PDE4B: variants seen among roughly 807,000 people sequenced by gnomAD.
PDE4B encodes 3',5'-cyclic-AMP phosphodiesterase 4B.
In PDE4B, 20 loss-of-function variants were observed where a neutral mutation model predicts 82.2. That is an observed-to-expected ratio of 0.24 (90% confidence interval 0.17 to 0.35). The LOEUF (loss-of-function observed/expected upper bound fraction) is 0.35, where lower values mean the gene tolerates loss of function less well. Among genes scored for constraint, PDE4B ranks in the 10% least tolerant of loss-of-function variants. PDE4B has a pLI of 1.00. For synonymous variants in PDE4B, 320 were observed against 318.9 expected (o/e 1.00, Z -0.04); for missense variants, 655 against 907.2 (o/e 0.72, Z 3.57).
In PDE4B at chr1:66,017,115, C is replaced by A. The variant is rs1489795239; in HGVS notation, c.281+98280C>A. 3.3e-5 allele frequency among the ~76,000 whole-genome samples: 5 copies of A among 152,198 alleles called. 1 individual carries two copies. In the South Asian group the frequency reaches 8.3e-4, roughly 25 times the overall value. ...TTGTGCCTATATAAGCAATTCTTTG[C>A]CTTTTTTTGGATTTACATACTTGAT... On this transcript the variant is annotated intron_variant, in intron 3 of 16. Coordinates refer to ENST00000341517, the MANE Select transcript of PDE4B (RefSeq NM_002600.4).
intron 7 of PDE4B, among the ~76,000 whole-genome samples, chr1:66,270,660 A>G (rs761584194): frequency 1.3e-5 from 2 of 152,236 alleles, no homozygotes; most frequent in East Asian, 1.9e-4. Flanking sequence ...TGGTTTCTAC[A>G]TTAAGCAAGA....
At chr1:66,133,317 CA>C (rs1202630676) in intron 3 of PDE4B, among the ~76,000 whole-genome samples, 1 of 152,164 alleles carries the variant, frequency 6.6e-6, no homozygotes, top group East Asian at 1.9e-4. Context: ...CACCATCAAA[CA>C]AGTATCTGAA....
chr1:65,829,120 G>T (rs1317823696), intron 1 of PDE4B, among the ~76,000 whole-genome samples: 1 of 152,098 alleles, frequency 6.6e-6, no homozygotes, highest in Admixed American at 6.6e-5. Flanking sequence ...AGAGGATATG[G>T]AAAGATATAC....
intron 7 of PDE4B, among the ~76,000 whole-genome samples, chr1:66,323,377 T>C (rs1659540707): frequency 6.6e-6 from 1 of 152,182 alleles, no homozygotes; most frequent in Non-Finnish European, 1.5e-5. Flanking sequence ...TTATCCCTAT[T>C]ATAAATGTTT....
chr1:66,048,201 T>G (rs1326924775), intron 3 of PDE4B, among the ~76,000 whole-genome samples: 1 of 151,924 alleles, frequency 6.6e-6, no homozygotes, highest in Non-Finnish European at 1.5e-5. Context: ...CTTTGGCTTT[T>G]GATCACTAAA....
chr1:65,888,957 G>A (rs1190121516), intron 1 of PDE4B, among the ~76,000 whole-genome samples: 1 of 152,040 alleles, frequency 6.6e-6, no homozygotes, highest in Non-Finnish European at 1.5e-5. Context: ...GTTCTGGCTA[G>A]GACTTCCAAT....
At chr1:65,972,527 A>G (rs1180130155) in intron 3 of PDE4B, among the ~76,000 whole-genome samples, 1 of 152,156 alleles carries the variant, frequency 6.6e-6, no homozygotes, top group Non-Finnish European at 1.5e-5. Flanking sequence ...AACAATTTGT[A>G]ATCTGGATTA....
intron 1 of PDE4B, among the ~76,000 whole-genome samples, chr1:65,891,301 A>T (rs1305929999): frequency 6.6e-6 from 1 of 152,134 alleles, no homozygotes; most frequent in East Asian, 1.9e-4. Flanking sequence ...AATGACAGGC[A>T]TCTGCTCTTT....
chr1:65,927,286 G>A (rs1168894129), intron 3 of PDE4B, among the ~76,000 whole-genome samples: 1 of 151,318 alleles, frequency 6.6e-6, no homozygotes, highest in Non-Finnish European at 1.5e-5. Flanking sequence ...TGCACTGGGT[G>A]GTTATAGTAT....
intron 3 of PDE4B, among the ~76,000 whole-genome samples, chr1:66,180,802 T>G (rs546665621): frequency 3.3e-4 from 50 of 152,282 alleles, no homozygotes; most frequent in Admixed American, 1.5e-3. Flanking sequence ...CTCAAGTTGA[T>G]AGCTTGATTT....
At chr1:66,161,303 C>T (rs1365428784) in intron 3 of PDE4B, among the ~76,000 whole-genome samples, 15 of 152,100 alleles carry the variant, frequency 9.9e-5, no homozygotes, top group Admixed American at 9.8e-4. Flanking sequence ...CACACAATCA[C>T]ACACAATGGT....
chr1:65,885,550 C>A (rs184209515), intron 1 of PDE4B, among the ~76,000 whole-genome samples: 1 of 152,152 alleles, frequency 6.6e-6, no homozygotes, highest in African/African-American at 2.4e-5. Context: ...GATGAGTTCA[C>A]GTCCTTTGTA....
intron 3 of PDE4B, among the ~76,000 whole-genome samples, chr1:65,997,822 A>C (rs777355173): frequency 6.6e-5 from 10 of 152,164 alleles, no homozygotes; most frequent in Non-Finnish European, 1.0e-4. Context: ...ATAATTAACC[A>C]ATGGTGTGGG....
At chr1:65,844,705 A>G (rs1646249128) in intron 1 of PDE4B, among the ~76,000 whole-genome samples, 1 of 152,124 alleles carries the variant, frequency 6.6e-6, no homozygotes, top group African/African-American at 2.4e-5. Flanking sequence ...CTCCCCACAA[A>G]CACATTACTT....
At position 66,026,333 on chromosome 1, in the gene PDE4B, G is replaced by T. The variant is rs192488852; in HGVS notation, c.281+107498G>T. ...TTATACTAGACTTTTCATGTCAATG[G>T]TCCCTTTCTATGTCTAGCTAACATT... On this transcript the variant is annotated intron_variant, in intron 3 of 16. Coordinates refer to ENST00000341517, the MANE Select transcript of PDE4B (RefSeq NM_002600.4). Among the ~76,000 whole-genome samples, 56 of 152,228 alleles carry T rather than the reference G, an allele frequency of 3.7e-4. No individual in the cohort carries two copies. The East Asian group carries it at 8.3e-3, about 23-fold the overall frequency.
Position 66,108,292 on chromosome 1 carries a change from T to C in PDE4B, c.282-139168T>C, listed in dbSNP as rs1304378356. Among the ~76,000 whole-genome samples, 6 of 151,918 alleles carry C rather than the reference T, an allele frequency of 3.9e-5. No individual in the cohort carries two copies. In the South Asian group the frequency reaches 1.2e-3, roughly 31 times the overall value. On this transcript the variant is annotated intron_variant, in intron 3 of 16. Coordinates refer to ENST00000341517, the MANE Select transcript of PDE4B (RefSeq NM_002600.4). ...TTCTTTGAGTTTGATTTCTTTTTTT[T>C]AGATTCATCCACTTGGATTAAAAAC...
intron 9 of PDE4B, among the ~76,000 whole-genome samples, chr1:66,360,973 A>C (rs1301272061): frequency 6.6e-6 from 1 of 152,172 alleles, no homozygotes; most frequent in African/African-American, 2.4e-5. Context: ...CCAGGCATGA[A>C]ATAAAACCAA....
At chr1:66,000,009 A>ATAGATTTAAT (rs1161698985) in intron 3 of PDE4B, among the ~76,000 whole-genome samples, 1 of 152,204 alleles carries the variant, frequency 6.6e-6, no homozygotes. Context: ...TATTGCAGGT[A>ATAGATTTAAT]TAGATTTAAT....
chr1:65,916,025 T>C (rs1647155580), intron 2 of PDE4B, among the ~76,000 whole-genome samples: 1 of 152,224 alleles, frequency 6.6e-6, no homozygotes, highest in Non-Finnish European at 1.5e-5. Flanking sequence ...TAAATTTTAC[T>C]TTGAGGTTTT....
Sources: allele counts gnomAD v4.1 joint callset (sites outside exome capture counted in the v4.1 genomes callset), GRCh38; gene constraint gnomAD v4.1.1; transcripts MANE v1.5; gene names NCBI Gene and HGNC (gene_info 2026-07-23, HGNC 2026-07-21).